The following SLC5A10 variants were observed in gnomAD, a reference collection of about 807,000 sequenced individuals.
SLC5A10 encodes solute carrier family 5 member 10.
A neutral mutation model predicts 68.9 loss-of-function variants in SLC5A10; 55 were observed. The ratio of observed to expected loss-of-function variants is 0.80; its 90% CI spans 0.64 to 1.00. The LOEUF (loss-of-function observed/expected upper bound fraction) is 1.00, where lower values mean the gene tolerates loss of function less well. Among genes scored for constraint, SLC5A10 ranks in the 50% least tolerant of loss-of-function variants. SLC5A10 has a pLI of 0.00. For synonymous variants in SLC5A10, 344 were observed against 344.8 expected, an observed-to-expected ratio of 1.00 and a Z score of 0.02; for missense variants, 732 against 819.3, an observed-to-expected ratio of 0.89 and a Z score of 1.30.
intron 9 of SLC5A10, 50 bp from the exon 10 acceptor site, chr17:19,013,360 A>G (rs748547111): frequency 3.8e-6 from 6 of 1,599,244 alleles, no homozygotes; most frequent in Non-Finnish European, 5.1e-6. Flanking sequence ...TGCCCACCCC[A>G]GGTGCTCATG....
At chr17:18,973,601 G>A (rs750222181) in intron 8 of SLC5A10, among the ~76,000 whole-genome samples, 15 of 152,330 alleles carry the variant, frequency 9.8e-5, no homozygotes, top group Non-Finnish European at 1.8e-4. Context: ...GCACCTAGAG[G>A]TCTGACTCCA....
intron 8 of SLC5A10, among the ~76,000 whole-genome samples, chr17:18,974,944 G>A (rs2042943008): frequency 6.6e-6 from 1 of 152,134 alleles, no homozygotes. Flanking sequence ...AGTCAGGGGT[G>A]GGGAAAGCCC....
At chr17:18,988,310 C>T (rs1345148132) in intron 9 of SLC5A10, 1 of 1,614,120 alleles carries the variant, frequency 6.2e-7, no homozygotes, top group Non-Finnish European at 8.5e-7. Flanking sequence ...TGACGTTACT[C>T]TCATCCACGA....
chr17:19,008,382 T>C (rs777421337), intron 9 of SLC5A10, among the ~76,000 whole-genome samples: 35 of 152,376 alleles, frequency 2.3e-4, no homozygotes, highest in Middle Eastern at 3.4e-3. Context: ...CATTTAAATC[T>C]GTGATCTATT....
Position 19,003,784 on chromosome 17 carries a change from G to A in SLC5A10, c.983-9626G>A, listed in dbSNP as rs1472664293. The stretch of plus-strand genomic sequence containing the variant: ...CCCCATTGTCCTCGGGCCCCTGAGA[G>A]GGGCCCGTGCCCCGAGGGTCCTCAG... On this transcript the variant is annotated intron_variant, in intron 9 of 14. Coordinates refer to ENST00000395645, the MANE Select transcript of SLC5A10 (RefSeq NM_001042450.4). This position sits in a 1 kb window ranked among gnomAD's most constrained non-coding sequence, Gnocchi z 4.5. 1.9e-6 allele frequency: 3 copies of A among 1,611,666 alleles called. No homozygotes were observed. The highest frequency in any genetic ancestry group is 1.1e-5 in the South Asian group (1 of 91,044).
chr17:19,007,749 C>T (rs1403695549), intron 9 of SLC5A10, among the ~76,000 whole-genome samples: 1 of 152,198 alleles, frequency 6.6e-6, no homozygotes, highest in African/African-American at 2.4e-5. Flanking sequence ...TTACACAGAG[C>T]TAAAGTTTTA....
rs944602001 is a variant in SLC5A10, at chr17:18,952,427, G to A, written c.111+111G>A. On this transcript the variant is annotated intron_variant, in intron 1 of 14. Transcript: ENST00000395645. ...GTGTCAGCATTGGTCCCAGCTGGTGGCCTAGTGATCCTTGTGGTCCTCCTC... is the reference window on the plus strand; with the variant it reads ...GTGTCAGCATTGGTCCCAGCTGGTGACCTAGTGATCCTTGTGGTCCTCCTC... The A allele has an allele frequency of 2.5e-5, 34 of 1,344,250 alleles. No individual in the cohort carries two copies. In the African/African-American group the frequency reaches 4.2e-4, roughly 17 times the overall value. The allele number at this position is 1,344,250 out of a possible 1,614,324, so 83.3% of individuals were successfully genotyped here.
Position 18,952,269 on chromosome 17 carries a change from ATCG to A in SLC5A10, c.67_69del (p.Val23del). On this transcript the variant is annotated inframe_deletion, in exon 1 of 15. Coordinates refer to ENST00000395645, the MANE Select transcript of SLC5A10 (RefSeq NM_001042450.4). ...GACGCAGCTGAGCGTGGCTGACATC[ATCG>A]TCATCACTGTGTATTTTGCTCTGAA... 1.9e-6 allele frequency: 3 copies of A among 1,613,952 alleles called. No individual in the cohort carries two copies. The highest frequency in any genetic ancestry group is 2.5e-6 in the Non-Finnish European group (3 of 1,179,950).
chr17:18,969,536 C>G (rs12938841), intron 7 of SLC5A10, 114 bp downstream of exon 7: 1 of 1,019,462 alleles, frequency 9.8e-7, no homozygotes, highest in Non-Finnish European at 1.4e-6. Context: ...GGTAGCATCG[C>G]TGGGAGTGGG....
intron 9 of SLC5A10, among the ~76,000 whole-genome samples, chr17:19,001,618 T>C (rs2043731458): frequency 6.6e-6 from 1 of 152,196 alleles, no homozygotes; most frequent in Non-Finnish European, 1.5e-5. Flanking sequence ...AGGAAGGCAA[T>C]GTCACCTTAG....
chr17:18,992,195 G>A (rs1381351111), intron 9 of SLC5A10, among the ~76,000 whole-genome samples: 2 of 152,152 alleles, frequency 1.3e-5, no homozygotes, highest in Non-Finnish European at 2.9e-5. Flanking sequence ...TCCCTGCCCA[G>A]TGGATCCGCC....
rs1354453993 is a variant in SLC5A10 at position 18,959,680 on chromosome 17, G to T, written c.348+17G>T. On this transcript the variant is annotated intron_variant, in intron 4 of 14. Coordinates refer to ENST00000395645, the MANE Select transcript of SLC5A10 (RefSeq NM_001042450.4). Reference sequence around the variant, plus strand: ...TCCTCAGAGGTGAGTCTACTCATGGGGCCTCCAGCTGGGGGGCTGGGCCTT... The same window carrying T: ...TCCTCAGAGGTGAGTCTACTCATGGTGCCTCCAGCTGGGGGGCTGGGCCTT... The T allele has an allele frequency of 6.2e-7, 1 of 1,613,552 alleles. No individual in the cohort carries two copies. Among genetic ancestry groups the T allele is most frequent in the Non-Finnish European group, 8.5e-7 (1 of 1,179,768 alleles).
intron 9 of SLC5A10, among the ~76,000 whole-genome samples, chr17:18,980,446 C>A (rs1348646511): frequency 6.6e-6 from 1 of 152,172 alleles, no homozygotes; most frequent in Non-Finnish European, 1.5e-5. Context: ...GCATGAGGAG[C>A]ACAGCGGGCC....
chr17:18,953,134 T>A (rs895397138), intron 1 of SLC5A10, among the ~76,000 whole-genome samples: 3 of 138,142 alleles, frequency 2.2e-5, no homozygotes, highest in African/African-American at 9.9e-5. Flanking sequence ...CCTTCTTTTT[T>A]TTTTTTTTTT....
chr17:18,972,483 C>T (rs2042879003), intron 8 of SLC5A10, among the ~76,000 whole-genome samples: 1 of 152,176 alleles, frequency 6.6e-6, no homozygotes. Flanking sequence ...GTGACTTTTC[C>T]GTGGTTCCCG....
intron 9 of SLC5A10, among the ~76,000 whole-genome samples, chr17:18,997,169 T>A (rs2043590217): frequency 6.6e-6 from 1 of 152,254 alleles, no homozygotes; most frequent in Non-Finnish European, 1.5e-5. Context: ...AAGCCCAGGC[T>A]AATCATGCCC....
Position 18,971,184 on chromosome 17 carries a change from C to A in SLC5A10, c.812C>A (p.Thr271Asn). The stretch of plus-strand genomic sequence containing the variant: ...TGGACCGGGATGACCTTTGGCCTGA[C>A]CATCATGGCCACCTGGTACTGGTGC... ...LPWTGMTFGL[T>N]IMATWYWCTD... is the part of the protein sequence containing the mutation. The change falls in exon 8 of 15, where the codon ACC becomes AAC. Residue 271 changes from threonine to asparagine, a missense_variant. Thr to Asn is a moderately conservative substitution (Grantham distance 65). Coordinates refer to ENST00000395645, the MANE Select transcript of SLC5A10 (RefSeq NM_001042450.4). This position sits in a 1 kb window ranked among gnomAD's most constrained non-coding sequence, Gnocchi z 5.5. 1 of 1,614,038 alleles carries A rather than the reference C, an allele frequency of 6.2e-7. No individual in the cohort carries two copies. Among genetic ancestry groups the A allele is most frequent in the Non-Finnish European group, 8.5e-7 (1 of 1,180,040 alleles).
intron 9 of SLC5A10, chr17:18,988,554 C>A: frequency 7.1e-7 from 1 of 1,406,058 alleles, no homozygotes; most frequent in Admixed American, 2.4e-5. Flanking sequence ...GCCTCAGGCC[C>A]GGGACCAGGA....
Position 19,022,483 on chromosome 17 carries a change from G to C in SLC5A10, c.*2052G>C, listed in dbSNP as rs2044279854. ...GCTTCTCTTGGGATCTTATTTACCC[G>C]ACTCTGCAGCAGCCATGGTAGCTTT... On this transcript the variant is annotated 3_prime_UTR_variant, in exon 15 of 15. Coordinates refer to ENST00000395645, the MANE Select transcript of SLC5A10 (RefSeq NM_001042450.4). 1 of 263,352 alleles carries C rather than the reference G, an allele frequency of 3.8e-6. No homozygotes were observed. The highest frequency in any genetic ancestry group is 2.2e-5 in the African/African-American group (1 of 45,548). The allele number at this position is 263,352 out of a possible 1,614,324, so 16.3% of individuals were successfully genotyped here. A position where few individuals can be genotyped will look rare whatever the true frequency, so the allele number is the denominator to read the frequency against.
Sources: allele counts gnomAD v4.1 joint callset (sites outside exome capture counted in the v4.1 genomes callset), GRCh38; gene constraint gnomAD v4.1.1; non-coding constraint Gnocchi (gnomAD v3.1); transcripts MANE v1.5; gene names NCBI Gene and HGNC (gene_info 2026-07-23, HGNC 2026-07-21).